DPF3: variants seen among roughly 807,000 people sequenced by gnomAD.
DPF3 encodes double PHD fingers 3.
Under a neutral mutation model 56.8 loss-of-function variants are expected in DPF3, and 18 were observed. That is an observed-to-expected ratio of 0.32 (90% confidence interval 0.22 to 0.47). The LOEUF (loss-of-function observed/expected upper bound fraction) is 0.47. Ranked by LOEUF, DPF3 falls within the 20% of genes least tolerant of loss-of-function variation. The pLI is 1.00. For missense variants in DPF3, 403 were observed against 488.8 expected (o/e 0.82, Z 1.65); for synonymous variants, 188 against 180.2 (o/e 1.04, Z -0.35).
intron 5 of DPF3, among the ~76,000 whole-genome samples, chr14:72,716,421 G>A (rs1327614948): frequency 6.6e-6 from 1 of 152,154 alleles, no homozygotes; most frequent in Admixed American, 6.5e-5. Context: ...AAGATCTCAG[G>A]TTTGGAAACT....
chr14:72,699,517 CAAAAAAAAAAAA>C (rs35540991), intron 6 of DPF3, among the ~76,000 whole-genome samples: 1 of 61,590 alleles, frequency 1.6e-5, no homozygotes, highest in African/African-American at 5.8e-5. Context: ...GATTCTGTCT[CAAAAAAAAAAAA>C]AAAAAAAAAA....
intron 9 of DPF3, among the ~76,000 whole-genome samples, chr14:72,625,550 G>A (rs1884773714): frequency 6.6e-6 from 1 of 152,138 alleles, no homozygotes; most frequent in Admixed American, 6.5e-5. Flanking sequence ...CTTTTTATGA[G>A]AGAATGGTGT....
intron 2 of DPF3, among the ~76,000 whole-genome samples, chr14:72,769,819 G>A (rs1041553205): frequency 1.3e-5 from 2 of 151,764 alleles, no homozygotes; most frequent in Non-Finnish European, 2.9e-5. Context: ...AGTTCCTGGT[G>A]GTATTCAAAA....
chr14:72,618,657 C>A lies in DPF3; in HGVS notation c.*640G>T, dbSNP rs1352693428. Among the ~76,000 whole-genome samples the A allele has an allele frequency of 1.3e-5, 2 of 152,172 alleles. No individual in the cohort carries two copies. Among genetic ancestry groups the A allele is most frequent in the African/African-American group, 4.8e-5 (2 of 41,444 alleles). The stretch of plus-strand genomic sequence containing the variant: ...CTGCGCGTCTCCCTCCCTCCCCGCC[C>A]CCATCTAGTAACTTTAAGCAGTGGC... On this transcript the variant is annotated 3_prime_UTR_variant, in exon 11 of 11. Transcript: ENST00000556509.
At chr14:72,816,638 A>G (rs116459282) in intron 1 of DPF3, among the ~76,000 whole-genome samples, 1,914 of 152,006 alleles carry the variant, frequency 0.013, 46 homozygotes, top group African/African-American at 0.044. Context: ...TCAGGCATAA[A>G]TGGAAAAAAA....
chr14:72,847,416 A>C (rs1396970853), intron 1 of DPF3, among the ~76,000 whole-genome samples: 1 of 152,182 alleles, frequency 6.6e-6, no homozygotes, highest in Non-Finnish European at 1.5e-5. Flanking sequence ...TTACCTCACT[A>C]TATTATAAGC....
chr14:72,819,967 A>G (rs1365872981), intron 1 of DPF3, among the ~76,000 whole-genome samples: 1 of 152,168 alleles, frequency 6.6e-6, no homozygotes, highest in Non-Finnish European at 1.5e-5. Context: ...ATAGTGTATG[A>G]TTGTGTTTAC....
chr14:72,809,298 A>G (rs566861638), intron 1 of DPF3, among the ~76,000 whole-genome samples: 49 of 152,358 alleles, frequency 3.2e-4, no homozygotes, highest in Middle Eastern at 3.4e-3. Flanking sequence ...ACACTCCCAC[A>G]TCATCGTCAC....
At chr14:72,861,737 GAGAAAGAAAGAAAGAAAGAAAGAAAGAA>G (rs35048401) in intron 1 of DPF3, among the ~76,000 whole-genome samples, 4 of 84,534 alleles carry the variant, frequency 4.7e-5, no homozygotes, top group East Asian at 3.4e-4. Flanking sequence ...AAGAAAGAAA[GAGAAAGAAAGAAAGAAAGAAAGAAAGAA>G]AGAAAGAAAG....
intron 6 of DPF3, among the ~76,000 whole-genome samples, chr14:72,708,334 C>T (rs529841966): frequency 2.6e-5 from 4 of 152,304 alleles, no homozygotes; most frequent in African/African-American, 7.2e-5. Flanking sequence ...TTTGCTGGAA[C>T]GGCGCACTCA....
In DPF3 at chr14:72,687,739, G is replaced by T. The variant is rs2526910; in HGVS notation, c.742+5337C>A. On this transcript the variant is annotated intron_variant, in intron 7 of 10. Coordinates refer to ENST00000556509, the MANE Select transcript of DPF3 (RefSeq NM_001280542.3). ...TGGCTAACTTGAATGTCACCTCTTC[G>T]GTGAAGCCTTTGCAAACCCCCTAAT... Among the ~76,000 whole-genome samples the T allele has an allele frequency of 1.4e-3, 210 of 152,066 alleles. 1 individual carries two copies. The East Asian group carries it at 0.03, about 21-fold the overall frequency.
intron 5 of DPF3, among the ~76,000 whole-genome samples, chr14:72,720,424 C>T (rs1439619000): frequency 6.6e-6 from 1 of 152,192 alleles, no homozygotes; most frequent in Non-Finnish European, 1.5e-5. Context: ...AGGAGGCTTG[C>T]CCACAGCCTT....
rs570071943 is a variant in DPF3 at position 72,710,363 on chromosome 14, A to T, written c.604+4060T>A. On this transcript the variant is annotated intron_variant, in intron 6 of 10. Transcript: ENST00000556509. ...TATCAATGTGAAATAAATGGAAAGA[A>T]TAGATTCTAAGGAGACCAACTAAAA... Among the ~76,000 whole-genome samples, 87 of 152,382 alleles carry T rather than the reference A, an allele frequency of 5.7e-4. 3 individuals are homozygous for T. The South Asian group carries it at 0.017, about 30-fold the overall frequency.
chr14:72,838,255 A>C (rs1249186912), intron 1 of DPF3, among the ~76,000 whole-genome samples: 1 of 152,210 alleles, frequency 6.6e-6, no homozygotes, highest in East Asian at 1.9e-4. Flanking sequence ...GCACTCTGGG[A>C]GGCCGAGACG....
At chr14:72,694,349 T>C (rs1243938544) in intron 6 of DPF3, among the ~76,000 whole-genome samples, 2 of 152,170 alleles carry the variant, frequency 1.3e-5, no homozygotes, top group Admixed American at 1.3e-4. Context: ...AAGTTACAAA[T>C]TCTAAAAGAC....
chr14:72,757,796 G>A (rs914697873), intron 2 of DPF3, among the ~76,000 whole-genome samples: 5 of 152,042 alleles, frequency 3.3e-5, no homozygotes, highest in Admixed American at 3.3e-4. Flanking sequence ...ACAGATTTTG[G>A]TATCTTCTGG....
At chr14:72,742,943 T>C (rs1462845489) in intron 3 of DPF3, among the ~76,000 whole-genome samples, 1 of 152,130 alleles carries the variant, frequency 6.6e-6, no homozygotes, top group East Asian at 1.9e-4. Context: ...GATACCCCTC[T>C]GCAGGTCCCT....
intron 9 of DPF3, among the ~76,000 whole-genome samples, chr14:72,620,846 C>A (rs188556903): frequency 1.3e-5 from 2 of 152,220 alleles, no homozygotes; most frequent in Non-Finnish European, 2.9e-5. Context: ...CATCTAATCA[C>A]GTTTGTTTTC....
At chr14:72,654,972 G>T (rs1158025316) in intron 8 of DPF3, among the ~76,000 whole-genome samples, 2 of 152,134 alleles carry the variant, frequency 1.3e-5, no homozygotes, top group Non-Finnish European at 2.9e-5. Context: ...TTTAACTAAA[G>T]AAGTTTTCAG....
Sources: gnomAD v4.1 joint callset for allele counts (sites outside exome capture counted in the v4.1 genomes callset) on GRCh38, gnomAD v4.1.1 for gene constraint, MANE v1.5 for transcripts, NCBI Gene and HGNC (gene_info 2026-07-23, HGNC 2026-07-21) for gene names.